Variants in ZNF804B observed in about 807,000 individuals in gnomAD.
ZNF804B encodes the protein zinc finger protein 804B.
In ZNF804B, 80 loss-of-function variants were observed where a neutral mutation model predicts 101.4. The observed-to-expected ratio is 0.79, with a 90% confidence interval of 0.66 to 0.95. The LOEUF (loss-of-function observed/expected upper bound fraction) is 0.95, where lower values mean the gene tolerates loss of function less well. Ranked by LOEUF, ZNF804B falls within the 40% of genes least tolerant of loss-of-function variation. The probability of loss-of-function intolerance (pLI) is 0.00; values close to 1 mark genes in which losing one functional copy is unlikely to be tolerated. For missense variants in ZNF804B, 1,673 were observed against 1,561.9 expected, an observed-to-expected ratio of 1.07 and a Z score of -1.20; for synonymous variants, 622 against 558.8, an observed-to-expected ratio of 1.11 and a Z score of -1.59.
At chr7:88,960,639 T>C (rs534491825) in intron 1 of ZNF804B, among the ~76,000 whole-genome samples, 59 of 151,534 alleles carry the variant, frequency 3.9e-4, no homozygotes, top group Non-Finnish European at 6.8e-4. Context: ...ATTTAACATA[T>C]TATCTTTGTG....
chr7:88,767,854 C>T (rs1485209601), intron 1 of ZNF804B, among the ~76,000 whole-genome samples: 1 of 152,170 alleles, frequency 6.6e-6, no homozygotes, highest in Non-Finnish European at 1.5e-5. Flanking sequence ...GACGCTGTTC[C>T]CTCTACCCCA....
chr7:89,285,872 C>A (rs997055893), intron 2 of ZNF804B, among the ~76,000 whole-genome samples: 35 of 152,160 alleles, frequency 2.3e-4, no homozygotes, highest in Non-Finnish European at 3.7e-4. Flanking sequence ...AAAGCCTCCA[C>A]CTCTTTTGCC....
intron 1 of ZNF804B, among the ~76,000 whole-genome samples, chr7:89,170,618 T>G (rs1206187783): frequency 6.6e-6 from 1 of 152,224 alleles, no homozygotes; most frequent in Non-Finnish European, 1.5e-5. Flanking sequence ...AATCTCTTAC[T>G]GAGGCTGAAT....
chr7:89,027,825 C>A (rs955557922), intron 1 of ZNF804B, among the ~76,000 whole-genome samples: 3 of 152,130 alleles, frequency 2.0e-5, no homozygotes, highest in Non-Finnish European at 2.9e-5. Context: ...AGATGAGTGT[C>A]CAGCCCAAGA....
At chr7:89,290,517 A>G (rs1429763168) in intron 2 of ZNF804B, among the ~76,000 whole-genome samples, 8 of 152,124 alleles carry the variant, frequency 5.3e-5, no homozygotes, top group Non-Finnish European at 1.2e-4. Flanking sequence ...GCCTGGCAGT[A>G]TTCACCACAA....
intron 1 of ZNF804B, among the ~76,000 whole-genome samples, chr7:89,022,359 A>G (rs961521028): frequency 6.6e-6 from 1 of 152,208 alleles, no homozygotes; most frequent in African/African-American, 2.4e-5. Flanking sequence ...TGTTTTAAAT[A>G]GTTTATATGA....
intron 1 of ZNF804B, among the ~76,000 whole-genome samples, chr7:89,101,566 C>G (rs1790056036): frequency 6.6e-6 from 1 of 151,630 alleles, no homozygotes; most frequent in Non-Finnish European, 1.5e-5. Flanking sequence ...TTTCTCACAA[C>G]CTAAAAAGCA....
intron 1 of ZNF804B, among the ~76,000 whole-genome samples, chr7:89,125,319 T>C (rs942128499): frequency 1.1e-4 from 16 of 151,856 alleles, no homozygotes; most frequent in Non-Finnish European, 2.2e-4. Flanking sequence ...GATATAGATA[T>C]TGATATGAAT....
At chr7:89,250,505 C>T (rs73399133) in intron 2 of ZNF804B, among the ~76,000 whole-genome samples, 17 of 152,186 alleles carry the variant, frequency 1.1e-4, no homozygotes, top group African/African-American at 4.1e-4. Flanking sequence ...AGAATTCTAC[C>T]AGACATACAA....
chr7:88,969,458 C>T (rs2373745), intron 1 of ZNF804B, among the ~76,000 whole-genome samples: 125,131 of 151,656 alleles, frequency 0.83, 52,179 homozygotes, highest in African/African-American at 0.96. Context: ...AAAAGTTTGC[C>T]TTTAAATGGA....
chr7:88,973,522 T>C (rs1793567526), intron 1 of ZNF804B, among the ~76,000 whole-genome samples: 1 of 150,934 alleles, frequency 6.6e-6, no homozygotes, highest in South Asian at 2.1e-4. Flanking sequence ...ATTTTCTAGC[T>C]AGCAATGTTC....
At chr7:89,278,225 A>G (rs13234897) in intron 2 of ZNF804B, among the ~76,000 whole-genome samples, 6,838 of 90,048 alleles carry the variant, frequency 0.076, 147 homozygotes, top group South Asian at 0.1. Context: ...AATTTGTTGG[A>G]GTTCATTATA....
chr7:88,952,713 C>T (rs909000414), intron 1 of ZNF804B, among the ~76,000 whole-genome samples: 3 of 151,786 alleles, frequency 2.0e-5, no homozygotes, highest in Admixed American at 6.6e-5. Flanking sequence ...CAAAAGACAC[C>T]GTAATCTATA....
intron 1 of ZNF804B, among the ~76,000 whole-genome samples, chr7:88,765,994 A>T (rs1490637755): frequency 6.6e-6 from 1 of 152,142 alleles, no homozygotes; most frequent in Non-Finnish European, 1.5e-5. Context: ...AATTGAAGAT[A>T]AAAAAACACA....
At chr7:88,820,519 C>T (rs544537843) in intron 1 of ZNF804B, among the ~76,000 whole-genome samples, 1 of 152,254 alleles carries the variant, frequency 6.6e-6, no homozygotes, top group South Asian at 2.1e-4. Context: ...CTGTCTGATC[C>T]TTTCCATGGG....
intron 1 of ZNF804B, among the ~76,000 whole-genome samples, chr7:89,017,685 A>T (rs181259717): frequency 6.6e-6 from 1 of 152,218 alleles, no homozygotes; most frequent in African/African-American, 2.4e-5. Flanking sequence ...TTGTGTGTTC[A>T]TCAATTTCTT....
At chr7:89,265,292 G>GTGTGCA (rs1789774050) in intron 2 of ZNF804B, among the ~76,000 whole-genome samples, 1 of 82,494 alleles carries the variant, frequency 1.2e-5, no homozygotes, top group African/African-American at 4.1e-5. Flanking sequence ...GTGTGTGTGT[G>GTGTGCA]TGCGCGTGCG....
intron 1 of ZNF804B, among the ~76,000 whole-genome samples, chr7:88,873,534 AGT>A (rs1414663494): frequency 6.6e-6 from 1 of 152,162 alleles, no homozygotes; most frequent in Admixed American, 6.5e-5. Flanking sequence ...TTAGACATGA[AGT>A]CCTTGCCCAT....
At chr7:88,907,698 C>T (rs1463694645) in intron 1 of ZNF804B, among the ~76,000 whole-genome samples, 1 of 151,812 alleles carries the variant, frequency 6.6e-6, no homozygotes, top group African/African-American at 2.4e-5. Flanking sequence ...AGCATGGCTT[C>T]ATCATGTTCT....
Sources: gnomAD v4.1 joint callset for allele counts (sites outside exome capture counted in the v4.1 genomes callset) on GRCh38, gnomAD v4.1.1 for gene constraint, MANE v1.5 for transcripts, NCBI Gene and HGNC (gene_info 2026-07-23, HGNC 2026-07-21) for gene names.